NHSL1: variants seen among roughly 807,000 people sequenced by gnomAD.
NHSL1 encodes the protein NHS like 1, also known as NHS-like protein 1.
In NHSL1, 48 loss-of-function variants were observed where a neutral mutation model predicts 95.0. That is an observed-to-expected ratio of 0.51 (90% CI 0.40 to 0.64). NHSL1 has a LOEUF of 0.64. NHSL1 is among the 30% of genes least tolerant of loss of function. NHSL1 has a pLI of 0.00. For synonymous variants in NHSL1, 783 were observed against 833.9 expected, an observed-to-expected ratio of 0.94 and a Z score of 1.05; for missense variants, 1,971 against 2,077.7, an observed-to-expected ratio of 0.95 and a Z score of 1.00.
intron 3 of NHSL1, among the ~76,000 whole-genome samples, chr6:138,458,226 C>T (rs913428803): frequency 6.6e-6 from 1 of 152,156 alleles, no homozygotes; most frequent in Non-Finnish European, 1.5e-5. Context: ...TTTTAATATT[C>T]TGTTATACTG....
chr6:138,546,533 C>T (rs1365304374), upstream of NHSL1, among the ~76,000 whole-genome samples: 2 of 149,840 alleles, frequency 1.3e-5, no homozygotes, highest in Non-Finnish European at 1.5e-5. Flanking sequence ...TGTTTGAGAC[C>T]AAGAGGTCGA....
intron 4 of NHSL1, among the ~76,000 whole-genome samples, chr6:138,443,541 A>C (rs1776666796): frequency 6.6e-6 from 1 of 152,222 alleles, no homozygotes; most frequent in African/African-American, 2.4e-5. Flanking sequence ...AGAAAGTTAC[A>C]CTTAGGCCAG....
intron 1 of NHSL1, among the ~76,000 whole-genome samples, chr6:138,509,861 T>C (rs144469712): frequency 2.0e-5 from 3 of 152,206 alleles, no homozygotes; most frequent in Admixed American, 2.0e-4. Context: ...AAAACATTTC[T>C]AAATCAATAA....
rs183164872 is a variant in NHSL1, at chr6:138,517,720, C to T, written c.17-21349G>A. ...AAGTTTACCTGCCAATCAGCCAGGA[C>T]TGTAACAGTGAAACACTGCTGCTGT... On this transcript the variant is annotated intron_variant, in intron 1 of 4. Coordinates refer to the NHSL1 transcript ENST00000342260. Among the ~76,000 whole-genome samples the T allele has an allele frequency of 2.6e-5, 4 of 152,340 alleles. No individual in the cohort carries two copies. In the East Asian group the frequency reaches 7.7e-4, roughly 29 times the overall value.
chr6:138,441,749 T>C (rs1456673074), intron 5 of NHSL1, among the ~76,000 whole-genome samples: 1 of 152,226 alleles, frequency 6.6e-6, no homozygotes, highest in African/African-American at 2.4e-5. Flanking sequence ...AGTTAATCGT[T>C]TTCATGTAAG....
At chr6:138,579,178 CCTG>C (rs1784016359) in intron 1 of NHSL1, among the ~76,000 whole-genome samples, 1 of 152,246 alleles carries the variant, frequency 6.6e-6, no homozygotes, top group South Asian at 2.1e-4. Flanking sequence ...CAGCTCCCCT[CCTG>C]CTGAGCCGCC....
intron 1 of NHSL1, among the ~76,000 whole-genome samples, chr6:138,561,298 T>C (rs1783399705): frequency 6.6e-6 from 1 of 152,196 alleles, no homozygotes; most frequent in Admixed American, 6.5e-5. Context: ...AAGTCTTAGC[T>C]AAGCGGTGGC....
At chr6:138,464,680 G>C (rs1778230152) in intron 3 of NHSL1, among the ~76,000 whole-genome samples, 1 of 149,488 alleles carries the variant, frequency 6.7e-6, no homozygotes, top group Non-Finnish European at 1.5e-5. Context: ...CGTTCAAATA[G>C]CTAGATATTT....
rs191286554 is a variant in NHSL1 at position 138,607,595 on chromosome 6, G to C, written c.96+84881C>G. ...TGATTTTTTTCTTCAGCATACAAAAGCTTGGGGAATTCTAGAAAAACAAGT... is the reference window on the plus strand; with the variant it reads ...TGATTTTTTTCTTCAGCATACAAAACCTTGGGGAATTCTAGAAAAACAAGT... On this transcript the variant is annotated intron_variant, in intron 1 of 3. Coordinates refer to the NHSL1 transcript ENST00000491526. Among the ~76,000 whole-genome samples the C allele has an allele frequency of 1.8e-3, 278 of 152,272 alleles. 1 individual carries two copies. Among genetic ancestry groups the C allele is most frequent in the Non-Finnish European group, 3.2e-3 (219 of 68,026 alleles).
At chr6:138,473,283 C>G (rs1488817839) in intron 3 of NHSL1, 23 bp downstream of exon 3, 1 of 1,515,474 alleles carries the variant, frequency 6.6e-7, no homozygotes, top group South Asian at 1.3e-5. Context: ...ACCCAGGACC[C>G]CGTGTTGAAC....
At chr6:138,691,767 T>G (rs184663948) in intron 1 of NHSL1, 1 of 376,534 alleles carries the variant, frequency 2.7e-6, no homozygotes, top group Non-Finnish European at 5.2e-6. Flanking sequence ...ACCGGAGAGA[T>G]CACTATATCA....
At chr6:138,560,039 TAGG>T (rs1400932333) in intron 1 of NHSL1, among the ~76,000 whole-genome samples, 1 of 152,240 alleles carries the variant, frequency 6.6e-6, no homozygotes, top group African/African-American at 2.4e-5. Context: ...ATAGTTCCTG[TAGG>T]AGATTATTTC....
chr6:138,590,937 G>A (rs552103711), intron 1 of NHSL1, among the ~76,000 whole-genome samples: 1 of 152,320 alleles, frequency 6.6e-6, no homozygotes, highest in South Asian at 2.1e-4. Flanking sequence ...CACAGAGAGA[G>A]GCAAATAGCA....
At chr6:138,486,749 A>G (rs1779754679) in intron 2 of NHSL1, among the ~76,000 whole-genome samples, 1 of 152,230 alleles carries the variant, frequency 6.6e-6, no homozygotes, top group South Asian at 2.1e-4. Flanking sequence ...AGTCCCAGTC[A>G]CTGGACTGTG....
chr6:138,684,891 T>C (rs1176198057), intron 1 of NHSL1, among the ~76,000 whole-genome samples: 1 of 152,168 alleles, frequency 6.6e-6, no homozygotes, highest in Non-Finnish European at 1.5e-5. Flanking sequence ...TAGAAACCAA[T>C]TTGAGGAGAA....
intron 1 of NHSL1, among the ~76,000 whole-genome samples, chr6:138,539,467 T>C (rs1320141025): frequency 6.6e-6 from 1 of 152,190 alleles, no homozygotes; most frequent in Non-Finnish European, 1.5e-5. Context: ...CCTTTTCTAA[T>C]GCATGTGTAG....
chr6:138,433,420 C>T lies in NHSL1; in HGVS notation c.925G>A (p.Gly309Arg), dbSNP rs1775853432. 6.4e-7 allele frequency: 1 copy of T among 1,552,220 alleles called. No homozygotes were observed. The highest frequency in any genetic ancestry group is 1.4e-5 in the African/African-American group (1 of 73,048). The change falls in exon 6 of 8, where the codon GGG becomes AGG. Residue 309 changes from glycine to arginine, a missense_variant. Physicochemically the swap from Gly to Arg is moderately radical, Grantham distance 125. This residue lies in a region of NHSL1 where 1,602 missense variants were observed against 1,654.5 expected (regional missense o/e 0.97). Coordinates refer to ENST00000343505, the MANE Select transcript of NHSL1 (RefSeq NM_001144060.2). ...TCAAGGCGGGAAGGGAATACGATCC[C>T]TGCAGAATCGCTCAGCACAGACATG... ...GNMSVLSDSA[G>R]IVFPSRLDSD...
rs1583139538 is a variant in NHSL1 at position 138,430,840 on chromosome 6, C to T, written c.3505G>A (p.Ala1169Thr). 1.1e-5 allele frequency: 17 copies of T among 1,550,766 alleles called. No individual in the cohort carries two copies. The highest frequency in any genetic ancestry group is 3.9e-5 in the Admixed American group (2 of 50,972). ...PVSRSPGAPS[A>T]GEAEARPSPS... ...CTGGGCCGAGCCTCTGCCTCCCCAG[C>T]GCTTGGAGCTCCAGGGCTGCGGCTC... Residue 1169 changes from alanine (A) to threonine (T), a missense_variant, in exon 6 of 8, where the codon GCT becomes ACT. Ala to Thr is a moderately conservative substitution (Grantham distance 58). Transcript: ENST00000343505. This position sits in a 1 kb window ranked among gnomAD's most constrained non-coding sequence, Gnocchi z 4.7.
At chr6:138,462,718 G>A (rs1778078887) in intron 3 of NHSL1, among the ~76,000 whole-genome samples, 1 of 152,210 alleles carries the variant, frequency 6.6e-6, no homozygotes, top group Non-Finnish European at 1.5e-5. Context: ...TGAGGCTTGA[G>A]GTCATACATT....
Sources: gnomAD v4.1 joint callset for allele counts (sites outside exome capture counted in the v4.1 genomes callset) on GRCh38, gnomAD v4.1.1 for gene constraint, gnomAD v4.1.1 regional missense constraint, Gnocchi (gnomAD v3.1) non-coding constraint, MANE v1.5 for transcripts, NCBI Gene and HGNC (gene_info 2026-07-23, HGNC 2026-07-21) for gene names.